OCA2: variants seen among roughly 807,000 people sequenced by gnomAD.
The protein encoded by OCA2 is P protein.
In OCA2, 77 loss-of-function variants were observed where a neutral mutation model predicts 100.2. That is an observed-to-expected ratio of 0.77 (90% CI 0.64 to 0.93). OCA2 has a LOEUF of 0.93. OCA2 is among the 40% of genes least tolerant of loss of function. The pLI is 0.00. For synonymous variants in OCA2, 432 were observed against 439.2 expected (o/e 0.98, Z 0.21); for missense variants, 1,062 against 1,089.1 (o/e 0.98, Z 0.35).
In OCA2 at chr15:27,871,848, T is replaced by C. The variant is rs755442265; in HGVS notation, c.2139+15A>G. The stretch of plus-strand genomic sequence containing the variant: ...ACAGTGGCTGGAGTGCCTTCTATTA[T>C]AGCATTTATTTTACCTTTATTAGCA... On this transcript the variant is annotated intron_variant, in intron 20 of 23. Transcript: ENST00000354638. 3.2e-6 allele frequency: 5 copies of C among 1,547,046 alleles called. No individual in the cohort carries two copies. The highest frequency in any genetic ancestry group is 2.7e-5 in the African/African-American group (2 of 73,578).
chr15:27,784,818 GC>G (rs1256069086), intron 23 of OCA2, among the ~76,000 whole-genome samples: 1 of 151,958 alleles, frequency 6.6e-6, no homozygotes, highest in African/African-American at 2.4e-5. Flanking sequence ...AACCAGCAGA[GC>G]TTTCATGAAT....
At chr15:28,090,128 G>T (rs766696912) in intron 1 of OCA2, among the ~76,000 whole-genome samples, 2 of 151,978 alleles carry the variant, frequency 1.3e-5, no homozygotes, top group African/African-American at 4.8e-5. Flanking sequence ...GTGATAAAAA[G>T]GTCACTTTAC....
At chr15:28,008,949 A>G (rs2042161008) in intron 9 of OCA2, among the ~76,000 whole-genome samples, 1 of 152,076 alleles carries the variant, frequency 6.6e-6, no homozygotes, top group Non-Finnish European at 1.5e-5. Flanking sequence ...GAATCTAGAG[A>G]CCTCCAGTTC....
At chr15:28,001,877 G>C (rs1484621650) in intron 9 of OCA2, among the ~76,000 whole-genome samples, 1 of 152,224 alleles carries the variant, frequency 6.6e-6, no homozygotes, top group Non-Finnish European at 1.5e-5. Flanking sequence ...AGAGGCACCT[G>C]GTTCTCTGCA....
At chr15:27,889,014 T>C (rs549416841) in intron 19 of OCA2, among the ~76,000 whole-genome samples, 1 of 152,230 alleles carries the variant, frequency 6.6e-6, no homozygotes, top group Admixed American at 6.5e-5. Flanking sequence ...TAATGTAGAA[T>C]TGGAGACATC....
intron 19 of OCA2, among the ~76,000 whole-genome samples, chr15:27,893,739 T>C (rs1390988387): frequency 6.6e-6 from 1 of 152,140 alleles, no homozygotes; most frequent in Non-Finnish European, 1.5e-5. Context: ...AGTTCTCTGC[T>C]CTCGAACCCT....
intron 16 of OCA2, 34 bp from the exon 17 acceptor site, chr15:27,955,249 T>TAG: frequency 6.6e-7 from 1 of 1,506,312 alleles, no homozygotes; most frequent in Non-Finnish European, 9.2e-7. Context: ...ATTACTTCCC[T>TAG]GGTCACGCTG....
intron 19 of OCA2, among the ~76,000 whole-genome samples, chr15:27,880,045 G>A (rs1179639683): frequency 6.6e-6 from 1 of 152,118 alleles, no homozygotes; most frequent in Admixed American, 6.5e-5. Flanking sequence ...GTAAGGAAAG[G>A]GTTCAGTTTC....
chr15:27,983,240 G>T, intron 14 of OCA2, 105 bp downstream of exon 14: 1 of 1,365,596 alleles, frequency 7.3e-7, no homozygotes, highest in Non-Finnish European at 1.0e-6. Context: ...GTGAAGAGGT[G>T]GCGTGATGAT....
intron 23 of OCA2, among the ~76,000 whole-genome samples, chr15:27,843,423 C>A (rs1031618861): frequency 2.0e-5 from 3 of 152,192 alleles, no homozygotes; most frequent in Admixed American, 6.5e-5. Flanking sequence ...TGGTAGGCCA[C>A]CCTGCAAAGG....
intron 2 of OCA2, among the ~76,000 whole-genome samples, chr15:28,046,838 C>T (rs2141520817): frequency 6.6e-6 from 1 of 152,316 alleles, no homozygotes; most frequent in Non-Finnish European, 1.5e-5. Context: ...ACAGGGTAGG[C>T]AGCCACAAGC....
the OCA2 span, among the ~76,000 whole-genome samples, chr15:27,734,567 G>A: frequency 6.6e-6 from 1 of 152,220 alleles, no homozygotes; most frequent in Non-Finnish European, 1.5e-5. Context: ...GTTAGTACCA[G>A]CAAACTAAGC....
rs2041976343 is a variant in OCA2 at position 28,003,056 on chromosome 15, G to C, written c.1044+11720C>G. On this transcript the variant is annotated intron_variant, in intron 9 of 23. Coordinates refer to ENST00000354638, the MANE Select transcript of OCA2 (RefSeq NM_000275.3). ...TTCAGTTCTGAAGTGATGATGCCCA[G>C]CTGTGGGCTGTGGGCCTGCGGGTCC... 2.0e-5 allele frequency among the ~76,000 whole-genome samples: 3 copies of C among 152,238 alleles called. No individual in the cohort carries two copies. In the South Asian group the frequency reaches 6.2e-4, roughly 31 times the overall value.
At chr15:27,827,007 T>C (rs944126689) in intron 23 of OCA2, among the ~76,000 whole-genome samples, 1 of 152,218 alleles carries the variant, frequency 6.6e-6, no homozygotes, top group Admixed American at 6.5e-5. Context: ...GCCCTTCCCT[T>C]GAGTGGAGCA....
rs1351161831 is a variant in OCA2 at position 27,983,625 on chromosome 15, G to C, written c.1365-142C>G. On this transcript the variant is annotated intron_variant, in intron 13 of 23. Coordinates refer to ENST00000354638, the MANE Select transcript of OCA2 (RefSeq NM_000275.3). Reference sequence around the variant, plus strand: ...CACCCCTGTGGGGAAGGCAGTGCTGGGGGGAATGAACAACTGCAACAACCC... The same window carrying C: ...CACCCCTGTGGGGAAGGCAGTGCTGCGGGGAATGAACAACTGCAACAACCC... 4 of 894,128 alleles carry C rather than the reference G, an allele frequency of 4.5e-6. No individual in the cohort carries two copies. In the Admixed American group the frequency reaches 7.8e-5, roughly 17 times the overall value. The allele number at this position is 894,128 out of a possible 1,614,324, so 55.4% of individuals were successfully genotyped here. A position where few individuals can be genotyped will look rare whatever the true frequency, so the allele number is the denominator to read the frequency against.
intron 23 of OCA2, among the ~76,000 whole-genome samples, chr15:27,805,082 C>T (rs1324253242): frequency 2.6e-5 from 4 of 152,122 alleles, no homozygotes; most frequent in Non-Finnish European, 4.4e-5. Flanking sequence ...TGCCCTGGAG[C>T]GAGTGGTCAG....
intron 18 of OCA2, among the ~76,000 whole-genome samples, chr15:27,945,186 T>C (rs2039788843): frequency 6.6e-6 from 1 of 152,186 alleles, no homozygotes; most frequent in Admixed American, 6.5e-5. Context: ...GTCCAGCTCA[T>C]AGTGACCTCC....
At chr15:28,080,643 T>G (rs1469612536) in intron 2 of OCA2, among the ~76,000 whole-genome samples, 1 of 152,234 alleles carries the variant, frequency 6.6e-6, no homozygotes, top group Non-Finnish European at 1.5e-5. Flanking sequence ...CACACCCGCA[T>G]GCAATTCTGT....
intron 23 of OCA2, among the ~76,000 whole-genome samples, chr15:27,759,523 A>G (rs753209610): frequency 2.6e-5 from 4 of 152,194 alleles, no homozygotes; most frequent in Non-Finnish European, 4.4e-5. Context: ...AGGAATGGCT[A>G]TATTAATATC....
Sources: gnomAD v4.1 joint callset for allele counts (sites outside exome capture counted in the v4.1 genomes callset) on GRCh38, gnomAD v4.1.1 for gene constraint, MANE v1.5 for transcripts, NCBI Gene and HGNC (gene_info 2026-07-23, HGNC 2026-07-21) for gene names.